Variants in CNTNAP2 observed in about 807,000 individuals in gnomAD.
CNTNAP2 encodes the protein contactin associated protein 2, also known as contactin-associated protein-like 2.
Under a neutral mutation model 155.2 loss-of-function variants are expected in CNTNAP2, and 98 were observed. That is an observed-to-expected ratio of 0.63 (90% CI 0.54 to 0.75). CNTNAP2 has a LOEUF of 0.75. CNTNAP2 is among the 30% of genes least tolerant of loss of function. CNTNAP2 has a pLI of 0.00. For missense variants in CNTNAP2, 1,727 were observed against 1,688.1 expected (o/e 1.02, Z -0.40); for synonymous variants, 651 against 631.2 (o/e 1.03, Z -0.47).
At chr7:146,995,161 C>G (rs1798283444) in intron 3 of CNTNAP2, among the ~76,000 whole-genome samples, 1 of 152,004 alleles carries the variant, frequency 6.6e-6, no homozygotes, top group Non-Finnish European at 1.5e-5. Context: ...TGATAAATGA[C>G]ACGATTTCCT....
chr7:147,165,284 A>G (rs1802094509), intron 8 of CNTNAP2, among the ~76,000 whole-genome samples: 1 of 151,776 alleles, frequency 6.6e-6, no homozygotes, highest in African/African-American at 2.4e-5. Context: ...TTTGTTGGCC[A>G]TTTGTATATT....
At chr7:148,098,024 T>C (rs1804009174) in intron 15 of CNTNAP2, among the ~76,000 whole-genome samples, 2 of 152,180 alleles carry the variant, frequency 1.3e-5, no homozygotes, top group African/African-American at 4.8e-5. Flanking sequence ...ACCACTTCTT[T>C]GAGTAGGTGG....
At chr7:146,483,282 AAT>A (rs200796835) in intron 1 of CNTNAP2, among the ~76,000 whole-genome samples, 672 of 39,780 alleles carry the variant, frequency 0.017, 3 homozygotes, top group Middle Eastern at 0.025. Context: ...TCTAAAAAAA[AAT>A]ATATATATAT....
At chr7:147,203,838 C>A (rs1802968396) in intron 8 of CNTNAP2, among the ~76,000 whole-genome samples, 1 of 152,036 alleles carries the variant, frequency 6.6e-6, no homozygotes, top group African/African-American at 2.4e-5. Context: ...ATAAGCTCTA[C>A]TACTAATTGT....
chr7:146,740,745 C>A (rs1801697923), intron 1 of CNTNAP2, among the ~76,000 whole-genome samples: 1 of 152,162 alleles, frequency 6.6e-6, no homozygotes, highest in African/African-American at 2.4e-5. Context: ...CATGACACTG[C>A]CAAAAGCCTG....
chr7:147,570,912 G>A (rs1375422426), intron 12 of CNTNAP2, among the ~76,000 whole-genome samples: 1 of 152,172 alleles, frequency 6.6e-6, no homozygotes, highest in Non-Finnish European at 1.5e-5. Flanking sequence ...TTGCTGAAAT[G>A]AGCATTTTTT....
At chr7:146,340,464 A>T (rs1801363065) in intron 1 of CNTNAP2, among the ~76,000 whole-genome samples, 1 of 151,956 alleles carries the variant, frequency 6.6e-6, no homozygotes, top group Non-Finnish European at 1.5e-5. Flanking sequence ...TAGGGTTGAC[A>T]GATAAAATAT....
At chr7:147,513,868 A>G (rs577654550) in intron 11 of CNTNAP2, among the ~76,000 whole-genome samples, 3 of 152,358 alleles carry the variant, frequency 2.0e-5, no homozygotes, top group South Asian at 4.1e-4. Flanking sequence ...ATAAGAAATT[A>G]TCAGACAAGA....
chr7:146,842,408 G>T (rs1042219884), intron 3 of CNTNAP2, among the ~76,000 whole-genome samples: 3 of 152,000 alleles, frequency 2.0e-5, no homozygotes, highest in African/African-American at 7.3e-5. Context: ...AGTATGCTAC[G>T]TGATGAGTGA....
At chr7:148,130,973 AG>A (rs74746799) in intron 16 of CNTNAP2, among the ~76,000 whole-genome samples, 11,482 of 151,830 alleles carry the variant, frequency 0.076, 520 homozygotes, top group East Asian at 0.23. Flanking sequence ...GTCTGAATGG[AG>A]TAGTTTATCA....
chr7:147,082,007 T>C (rs988548401), intron 4 of CNTNAP2: 2 of 152,158 alleles, frequency 1.3e-5, no homozygotes, highest in East Asian at 1.9e-4. Flanking sequence ...TTTATAGAAC[T>C]GGAAGACTGC....
At chr7:146,797,327 G>T (rs1802789161) in intron 2 of CNTNAP2, among the ~76,000 whole-genome samples, 1 of 152,134 alleles carries the variant, frequency 6.6e-6, no homozygotes. Flanking sequence ...GGGAAAAGGT[G>T]TTCAAGGGAA....
chr7:148,309,025 C>T (rs982319235), intron 21 of CNTNAP2, among the ~76,000 whole-genome samples: 2 of 152,176 alleles, frequency 1.3e-5, no homozygotes, highest in South Asian at 2.1e-4. Flanking sequence ...TGAATAGTGC[C>T]GCAATAAACA....
At chr7:146,218,209 T>G (rs1799145957) in intron 1 of CNTNAP2, among the ~76,000 whole-genome samples, 2 of 152,076 alleles carry the variant, frequency 1.3e-5, no homozygotes, top group African/African-American at 4.8e-5. Context: ...CCAAGAACTT[T>G]TATTAAAACA....
intron 8 of CNTNAP2, among the ~76,000 whole-genome samples, chr7:147,198,232 C>CTTT (rs71525992): frequency 0.014 from 1,631 of 113,018 alleles, 71 homozygotes; most frequent in African/African-American, 0.045. Context: ...TTCCAATATC[C>CTTT]TTTTTTTTTT....
At chr7:147,455,896 A>G (rs753856636) in intron 10 of CNTNAP2, among the ~76,000 whole-genome samples, 4 of 152,126 alleles carry the variant, frequency 2.6e-5, no homozygotes, top group African/African-American at 7.2e-5. Flanking sequence ...AATTCACATC[A>G]TAATAATAGA....
chr7:147,691,698 A>G (rs955025304), intron 13 of CNTNAP2, among the ~76,000 whole-genome samples: 3 of 152,148 alleles, frequency 2.0e-5, no homozygotes, highest in Non-Finnish European at 2.9e-5. Flanking sequence ...TATTTTCAAT[A>G]AGCTTTATTT....
At chr7:147,308,425 C>T (rs1434881962) in intron 9 of CNTNAP2, among the ~76,000 whole-genome samples, 1 of 152,130 alleles carries the variant, frequency 6.6e-6, no homozygotes, top group Non-Finnish European at 1.5e-5. Context: ...AGAAAATCGA[C>T]TAGATTGTAG....
At chr7:147,136,209 T>G (rs908561366) in intron 8 of CNTNAP2, among the ~76,000 whole-genome samples, 5 of 151,938 alleles carry the variant, frequency 3.3e-5, no homozygotes, top group Non-Finnish European at 7.4e-5. Flanking sequence ...ATATTCTCTC[T>G]CAGTTATTGG....
Sources: allele counts gnomAD v4.1 joint callset (sites outside exome capture counted in the v4.1 genomes callset), GRCh38; gene constraint gnomAD v4.1.1; transcripts MANE v1.5; gene names NCBI Gene and HGNC (gene_info 2026-07-23, HGNC 2026-07-21).